Variants in TEP1 observed in about 807,000 individuals in gnomAD.
TEP1 encodes telomerase protein component 1.
In TEP1, 241 loss-of-function variants were observed where a neutral mutation model predicts 306.3. That is an observed-to-expected ratio of 0.79 (90% CI 0.71 to 0.88). The LOEUF (loss-of-function observed/expected upper bound fraction) is 0.88. Ranked by LOEUF, TEP1 falls within the 40% of genes least tolerant of loss-of-function variation. TEP1 has a pLI of 0.00. For synonymous variants in TEP1, 1,289 were observed against 1,305.5 expected (o/e 0.99, Z 0.27); for missense variants, 3,051 against 3,276.1 (o/e 0.93, Z 1.68).
intron 53 of TEP1, 82 bp downstream of exon 53, chr14:20,369,262 C>A: frequency 7.0e-7 from 1 of 1,419,374 alleles, no homozygotes; most frequent in East Asian, 2.3e-5. Context: ...CCCGCCTAGG[C>A]CTCCCAAAGT....
chr14:20,379,832 A>T (rs1030991194), intron 35 of TEP1, 98 bp downstream of exon 35: 6 of 1,466,032 alleles, frequency 4.1e-6, no homozygotes, highest in Non-Finnish European at 5.5e-6. Flanking sequence ...TGCTGAATTA[A>T]TCAGAGTGAT....
At chr14:20,380,845 C>T in intron 33 of TEP1, 86 bp downstream of exon 33, 1 of 1,174,052 alleles carries the variant, frequency 8.5e-7, no homozygotes, top group South Asian at 1.3e-5. Flanking sequence ...CACCCACACC[C>T]CTGCCCCAAC....
rs762056316 is a variant in TEP1 at position 20,378,739 on chromosome 14, G to C, written c.5352+15C>G. On this transcript the variant is annotated intron_variant, in intron 37 of 54. Transcript: ENST00000262715. ...GCTCAGGGCCACTCTGACCACTGCA[G>C]ACCCCAAGTCTTACCTTTAGGCATC... 1 of 1,613,256 alleles carries C rather than the reference G, an allele frequency of 6.2e-7. No homozygotes were observed. The highest frequency in any genetic ancestry group is 8.5e-7 in the Non-Finnish European group (1 of 1,179,312).
chr14:20,408,222 T>C lies in TEP1; in HGVS notation c.218A>G (p.Asp73Gly), dbSNP rs1879359453. The change falls in exon 2 of 55, where the codon GAC becomes GGC. Residue 73 changes from aspartate (D) to glycine (G), a missense_variant. Coordinates refer to ENST00000262715, the MANE Select transcript of TEP1 (RefSeq NM_007110.5). ...KPHGYVSAHP[D>G]ILSLENQCLA... ...GCACTGGTTCTCCAAGGAGAGGATGTCTGGGTGGGCAGACACATATCCATG... is the reference window on the plus strand; with the variant it reads ...GCACTGGTTCTCCAAGGAGAGGATGCCTGGGTGGGCAGACACATATCCATG... 1 of 1,613,590 alleles carries C rather than the reference T, an allele frequency of 6.2e-7. No homozygotes were observed.
rs1368965533 is a variant in TEP1 at position 20,383,768 on chromosome 14, G to A, written c.3685C>T (p.Pro1229Ser). ...CGGTAGGTGCTGGGGAGGGCACCTG[G>A]CTCTTTTAGTTGGCCACGCAGATAG... ...CTYLRGQLKEPGALPSTYRSL... is the reference protein window; with the variant it reads ...CTYLRGQLKESGALPSTYRSL... The change falls in exon 25 of 55, where the codon CCA (proline) becomes TCA (serine). Residue 1229 changes from proline (P) to serine (S), a missense_variant. Pro to Ser is a moderately conservative substitution (Grantham distance 74). Coordinates refer to ENST00000262715, the MANE Select transcript of TEP1 (RefSeq NM_007110.5). 3.1e-6 allele frequency: 5 copies of A among 1,611,776 alleles called. No individual in the cohort carries two copies. The African/African-American group carries it at 4.0e-5, about 13-fold the overall frequency.
chr14:20,403,253 C>T, intron 7 of TEP1, 124 bp downstream of exon 7: 1 of 1,234,890 alleles, frequency 8.1e-7, no homozygotes, highest in Non-Finnish European at 1.1e-6. Flanking sequence ...AGAACCTTAC[C>T]CACAATCACA....
At chr14:20,373,221 C>CT (rs745400494) in intron 47 of TEP1, 49 bp downstream of exon 47, 6 of 1,612,304 alleles carry the variant, frequency 3.7e-6, no homozygotes. Context: ...CACCCTTGAC[C>CT]TTTTTTTGTG....
chr14:20,389,272 C>G lies in TEP1; in HGVS notation c.2491G>C (p.Val831Leu). Reference protein sequence around the residue: ...YLSTDLNPNDVTLSGCTDAIL... With the variant: ...YLSTDLNPNDLTLSGCTDAIL... ...GCATCAGTACAGCCTGAGAGTGTCA[C>G]ATCATTGGGATTCAAATCTGTTGAC... The change falls in exon 17 of 55, where the codon GTG becomes CTG. Residue 831 changes from valine (V) to leucine (L), a missense_variant. By Grantham distance (32) the Val-to-Leu change is conservative. Around this residue, in one of 3 missense-constraint regions of TEP1, gnomAD observed 1,507 missense variants for 1,550.5 expected, o/e 0.97. Transcript: ENST00000262715. 1 of 1,614,150 alleles carries G rather than the reference C, an allele frequency of 6.2e-7. No individual in the cohort carries two copies. Among genetic ancestry groups the G allele is most frequent in the Non-Finnish European group, 8.5e-7 (1 of 1,180,030 alleles).
chr14:20,368,993 C>A, intron 53 of TEP1, 91 bp from the exon 54 acceptor site: 1 of 882,674 alleles, frequency 1.1e-6, no homozygotes, highest in South Asian at 1.6e-5. Context: ...ACCTACAGCC[C>A]TCCTCCCTTA....
chr14:20,382,559 G>A (rs1291538047), intron 28 of TEP1, 64 bp downstream of exon 28: 3 of 1,596,076 alleles, frequency 1.9e-6, no homozygotes, highest in African/African-American at 2.7e-5. Context: ...ATAGGGATGA[G>A]ACAAAGCAGC....
At chr14:20,411,737 C>A (rs993572781) in intron 1 of TEP1, among the ~76,000 whole-genome samples, 11 of 151,940 alleles carry the variant, frequency 7.2e-5, no homozygotes, top group African/African-American at 2.7e-4. Flanking sequence ...TCTATGAAGC[C>A]CATTTATGGA....
chr14:20,386,356 C>A, intron 19 of TEP1, 91 bp downstream of exon 19: 2 of 1,575,462 alleles, frequency 1.3e-6, no homozygotes, highest in Non-Finnish European at 1.7e-6. Context: ...TCACCCTCAT[C>A]CATTCTTGCA....
At chr14:20,391,150 T>C in intron 13 of TEP1, 54 bp from the exon 14 acceptor site, 1 of 1,589,184 alleles carries the variant, frequency 6.3e-7, no homozygotes, top group Non-Finnish European at 8.6e-7. Flanking sequence ...GAATTCACCC[T>C]TGCCCAGCCA....
chr14:20,392,667 T>A (rs538079794), intron 12 of TEP1, among the ~76,000 whole-genome samples: 2 of 152,326 alleles, frequency 1.3e-5, no homozygotes, highest in South Asian at 4.1e-4. Flanking sequence ...CTTGTTTAGA[T>A]CTTGATTTGA....
rs1877126932 is a variant in TEP1 at position 20,386,169 on chromosome 14, A to C, written c.2888T>G (p.Val963Gly). 6.2e-7 allele frequency: 1 copy of C among 1,612,818 alleles called. No individual in the cohort carries two copies. ...NRQLEVCLGE[V>G]ENAQLFVGIL... ...CCCCACAAACAGCTGTGCGTTCTCC[A>C]CCTCCCCAAGGCACACTTCCAGTTG... Residue 963 changes from valine (V) to glycine (G), a missense_variant, in exon 20 of 55, where the codon GTG becomes GGG. Physicochemically the swap from Val to Gly is moderately radical, Grantham distance 109. Transcript: ENST00000262715.
rs368899659 is a variant in TEP1, at chr14:20,386,503, G to C, written c.2805C>G (p.Ser935Arg). 72 of 1,612,746 alleles carry C rather than the reference G, an allele frequency of 4.5e-5. No individual in the cohort carries two copies. The highest frequency in any genetic ancestry group is 1.8e-5 in the Non-Finnish European group (21 of 1,179,444). The change falls in exon 19 of 55, where the codon AGC (serine) becomes AGG (arginine). Residue 935 changes from serine to arginine, a missense_variant. This residue lies in a region of TEP1 where 1,507 missense variants were observed against 1,550.5 expected (regional missense o/e 0.97). Coordinates refer to ENST00000262715, the MANE Select transcript of TEP1 (RefSeq NM_007110.5). ...LQARAAPHRI[S>R]LHGIDLRWGV... is the part of the protein sequence containing the mutation. ...CCCAGCGGAGGTCGATTCCGTGAAG[G>C]CTGATACGGTGAGGGGCCGCTCGGG... is the stretch of plus-strand genomic sequence containing the variant.
intron 16 of TEP1, 26 bp downstream of exon 16, chr14:20,389,584 T>C (rs1389274137): frequency 6.2e-7 from 1 of 1,611,314 alleles, no homozygotes; most frequent in African/African-American, 1.3e-5. Flanking sequence ...TTTCTGACAC[T>C]GGGCAGGAAG....
chr14:20,379,237 C>A (rs1337518260), intron 35 of TEP1, 132 bp from the exon 36 acceptor site: 4 of 1,228,742 alleles, frequency 3.3e-6, no homozygotes, highest in Non-Finnish European at 4.5e-6. Flanking sequence ...TGTTCCAAGT[C>A]AAGCACACGT....
At chr14:20,375,957 G>A in intron 42 of TEP1, 89 bp from the exon 43 acceptor site, 1 of 1,488,048 alleles carries the variant, frequency 6.7e-7, no homozygotes, top group South Asian at 1.2e-5. Flanking sequence ...TTCAAGGAAA[G>A]AGGGGCACAA....
Sources: allele counts gnomAD v4.1 joint callset (sites outside exome capture counted in the v4.1 genomes callset), GRCh38; gene constraint gnomAD v4.1.1; regional missense constraint gnomAD v4.1.1; transcripts MANE v1.5; gene names NCBI Gene and HGNC (gene_info 2026-07-23, HGNC 2026-07-21).